SGCZ: variants seen among roughly 807,000 people sequenced by gnomAD.
SGCZ encodes zeta-sarcoglycan.
A neutral mutation model predicts 41.3 loss-of-function variants in SGCZ; 40 were observed. That is an observed-to-expected ratio of 0.97 (90% CI 0.75 to 1.26). SGCZ has a LOEUF of 1.26. SGCZ is among the 50% of genes most tolerant of loss of function. The pLI, the probability that SGCZ is intolerant of heterozygous loss-of-function variation, is 0.00. For missense variants in SGCZ, 552 were observed against 369.8 expected (o/e 1.49, Z -4.04); for synonymous variants, 206 against 137.5 (o/e 1.50, Z -3.49).
chr8:14,969,402 TA>T (rs1801222442), intron 1 of SGCZ, among the ~76,000 whole-genome samples: 1 of 152,094 alleles, frequency 6.6e-6, no homozygotes, highest in East Asian at 1.9e-4. Flanking sequence ...AGCACATATT[TA>T]AAGTATAGAA....
chr8:14,136,467 G>T (rs1037371460), intron 5 of SGCZ, among the ~76,000 whole-genome samples: 4 of 152,144 alleles, frequency 2.6e-5, no homozygotes, highest in Non-Finnish European at 5.9e-5. Flanking sequence ...CTTTTCCAAT[G>T]GTCTTAGCAA....
At chr8:14,243,853 C>T (rs1357941612) in intron 3 of SGCZ, among the ~76,000 whole-genome samples, 2 of 152,156 alleles carry the variant, frequency 1.3e-5, no homozygotes, top group Admixed American at 1.3e-4. Context: ...GATCACAGTA[C>T]TCGTTGTAGG....
At chr8:14,835,179 G>C (rs1563303365) in intron 1 of SGCZ, among the ~76,000 whole-genome samples, 2 of 152,204 alleles carry the variant, frequency 1.3e-5, no homozygotes, top group East Asian at 1.9e-4. Flanking sequence ...TCTTTGAATG[G>C]GTTACAGGTG....
intron 1 of SGCZ, among the ~76,000 whole-genome samples, chr8:14,793,836 A>G (rs564177185): frequency 6.6e-6 from 1 of 152,268 alleles, no homozygotes; most frequent in South Asian, 2.1e-4. Flanking sequence ...AAGAAGCTGA[A>G]ATAGAGGATC....
chr8:14,261,336 T>G (rs537559408), intron 3 of SGCZ, among the ~76,000 whole-genome samples: 7 of 152,166 alleles, frequency 4.6e-5, no homozygotes, highest in African/African-American at 1.7e-4. Context: ...AGAAAAGGGC[T>G]CCTTTCTAAA....
intron 1 of SGCZ, among the ~76,000 whole-genome samples, chr8:14,988,815 A>G (rs1362563466): frequency 6.6e-6 from 1 of 152,170 alleles, no homozygotes; most frequent in African/African-American, 2.4e-5. Context: ...TACCATTGAA[A>G]TACTAAGAGA....
chr8:14,797,160 TG>T (rs35345987), intron 1 of SGCZ, among the ~76,000 whole-genome samples: 49,740 of 151,534 alleles, frequency 0.33, 9,652 homozygotes, highest in East Asian at 0.49. Context: ...CAGGCAGGGG[TG>T]GGGACAGTTT....
intron 1 of SGCZ, among the ~76,000 whole-genome samples, chr8:14,932,013 T>G (rs4401862): frequency 1.1e-3 from 169 of 151,748 alleles, no homozygotes; most frequent in Non-Finnish European, 1.9e-3. Context: ...AAATATACAA[T>G]TTGTTAAATA....
chr8:15,037,334 A>G (rs550493184), intron 1 of SGCZ, among the ~76,000 whole-genome samples: 44 of 152,264 alleles, frequency 2.9e-4, no homozygotes, highest in African/African-American at 8.4e-4. Flanking sequence ...TCCTGTCACC[A>G]TGTGACGAAG....
At chr8:14,348,098 A>G (rs1802954053) in intron 2 of SGCZ, among the ~76,000 whole-genome samples, 1 of 152,018 alleles carries the variant, frequency 6.6e-6, no homozygotes, top group Non-Finnish European at 1.5e-5. Context: ...CAACCCAAGG[A>G]TTACTTCAAG....
chr8:14,428,811 A>T (rs1319438112), intron 2 of SGCZ, among the ~76,000 whole-genome samples: 1 of 152,212 alleles, frequency 6.6e-6, no homozygotes, highest in Non-Finnish European at 1.5e-5. Context: ...CTGCACATGG[A>T]TATAAGTTCA....
intron 1 of SGCZ, among the ~76,000 whole-genome samples, chr8:14,619,456 GA>G (rs1247428200): frequency 3.0e-5 from 2 of 66,756 alleles, no homozygotes; most frequent in Non-Finnish European, 6.8e-5. Context: ...CAGGCAGGAG[GA>G]AAAAAATAAA....
At chr8:14,576,212 GCTGT>G (rs1294081334) in intron 1 of SGCZ, among the ~76,000 whole-genome samples, 2 of 152,154 alleles carry the variant, frequency 1.3e-5, no homozygotes, top group African/African-American at 4.8e-5. Flanking sequence ...TTTGTGGTGT[GCTGT>G]CTATGTCGGC....
At chr8:14,860,692 G>T (rs1803706292) in intron 1 of SGCZ, among the ~76,000 whole-genome samples, 1 of 133,446 alleles carries the variant, frequency 7.5e-6, no homozygotes, top group Non-Finnish European at 1.6e-5. Context: ...AAGAAAGAAA[G>T]AAGGAAAGAA....
intron 1 of SGCZ, among the ~76,000 whole-genome samples, chr8:15,075,116 C>T (rs961937684): frequency 6.7e-6 from 1 of 148,980 alleles, no homozygotes; most frequent in East Asian, 2.0e-4. Flanking sequence ...TTCACAGTAG[C>T]TTATGTAAAT....
At chr8:14,883,647 G>A (rs1421141792) in intron 1 of SGCZ, among the ~76,000 whole-genome samples, 2 of 151,854 alleles carry the variant, frequency 1.3e-5, no homozygotes, top group African/African-American at 2.4e-5. Flanking sequence ...TAGTTTCATA[G>A]CCTTGTGTCT....
intron 2 of SGCZ, among the ~76,000 whole-genome samples, chr8:14,430,748 T>A (rs573441234): frequency 6.6e-6 from 1 of 152,120 alleles, no homozygotes; most frequent in South Asian, 2.1e-4. Flanking sequence ...AAAGAGAAAG[T>A]CAAAATGTCG....
intron 1 of SGCZ, among the ~76,000 whole-genome samples, chr8:15,212,499 T>C (rs1240757015): frequency 6.6e-6 from 1 of 152,176 alleles, no homozygotes; most frequent in African/African-American, 2.4e-5. Flanking sequence ...TGGGGAATTA[T>C]TTCCTTGATA....
In SGCZ at chr8:14,724,843, C is replaced by G. The variant is rs1449909196; in HGVS notation, c.40-169917G>C. 5.3e-5 allele frequency among the ~76,000 whole-genome samples: 8 copies of G among 152,082 alleles called. No homozygotes were observed. The East Asian group carries it at 1.5e-3, about 29-fold the overall frequency. Reference sequence around the variant, plus strand: ...TTAAACATTTATGATTTCTTTGTGTCAGAAACATTTCAGTTTCACTCTTCT... The same window carrying G: ...TTAAACATTTATGATTTCTTTGTGTGAGAAACATTTCAGTTTCACTCTTCT... On this transcript the variant is annotated intron_variant, in intron 1 of 7. Transcript: ENST00000382080.
Sources: allele counts gnomAD v4.1 joint callset (sites outside exome capture counted in the v4.1 genomes callset), GRCh38; gene constraint gnomAD v4.1.1; transcripts MANE v1.5; gene names NCBI Gene and HGNC (gene_info 2026-07-23, HGNC 2026-07-21).